The following RYR3 variants were observed in gnomAD, a reference collection of about 807,000 sequenced individuals.
The protein encoded by RYR3 is ryanodine receptor 3.
RYR3 carries 207 observed loss-of-function variants against 584.3 expected under a neutral mutation model. The ratio of observed to expected loss-of-function variants is 0.35; its 90% CI spans 0.32 to 0.40. The LOEUF (loss-of-function observed/expected upper bound fraction) is 0.40. Ranked by LOEUF, RYR3 falls within the 10% of genes least tolerant of loss-of-function variation. RYR3 has a pLI of 1.00. For missense variants in RYR3, 5,616 were observed against 6,089.2 expected (o/e 0.92, Z 2.59); for synonymous variants, 2,416 against 2,248.5 (o/e 1.07, Z -2.11).
intron 1 of RYR3, among the ~76,000 whole-genome samples, chr15:33,335,842 C>A (rs1194852024): frequency 1.3e-5 from 2 of 151,850 alleles, no homozygotes; most frequent in African/African-American, 4.8e-5. Context: ...TAGAACAAAA[C>A]TCTTGCCTTT....
chr15:33,860,599 T>G lies in RYR3; in HGVS notation c.14304T>G (p.Leu4768=). The G allele has an allele frequency of 6.3e-7, 1 of 1,581,934 alleles. No homozygotes were observed. Among genetic ancestry groups the G allele is most frequent in the Non-Finnish European group, 8.6e-7 (1 of 1,161,446 alleles). ...IVILLAIIQG[L]IIDAFGELRD... ...TCTTTGTATTTAACATTCCAGGTCT[T>G]ATTATTGATGCTTTCGGAGAGCTAA... Residue 4768 remains leucine, a synonymous_variant, in exon 101 of 104, where the codon CTT becomes CTG. Coordinates refer to ENST00000634891, the MANE Select transcript of RYR3 (RefSeq NM_001036.6).
chr15:33,669,288 G>T, intron 36 of RYR3, 66 bp from the exon 37 acceptor site: 1 of 1,276,996 alleles, frequency 7.8e-7, no homozygotes, highest in Non-Finnish European at 1.1e-6. Context: ...TCTGTCTAAG[G>T]CAGGATCTGA....
intron 21 of RYR3, 198 bp from the exon 22 acceptor site, chr15:33,629,742 A>G (rs2061175863): frequency 1.0e-5 from 5 of 498,552 alleles, no homozygotes; most frequent in Non-Finnish European, 1.4e-5. Context: ...TCCACGGAGC[A>G]CAAACCACTG....
In RYR3 at chr15:33,395,688, C is replaced by T. The variant is rs1254880120; in HGVS notation, c.52-77731C>T. Among the ~76,000 whole-genome samples the T allele has an allele frequency of 2.0e-5, 3 of 152,306 alleles. No homozygotes were observed. The East Asian group carries it at 5.8e-4, about 29-fold the overall frequency. On this transcript the variant is annotated intron_variant, in intron 1 of 103. Transcript: ENST00000634891. ...ATTCTAGAAATCATATCTGGGTGCTCTGTGCAATGATGAACATGGACGTGG... is the reference window on the plus strand; with the variant it reads ...ATTCTAGAAATCATATCTGGGTGCTTTGTGCAATGATGAACATGGACGTGG...
intron 12 of RYR3, among the ~76,000 whole-genome samples, chr15:33,578,154 C>T (rs606639): frequency 0.65 from 98,733 of 151,980 alleles, 33,063 homozygotes; most frequent in African/African-American, 0.8. Flanking sequence ...TTTAAACTAT[C>T]GGTAGGAATG....
At chr15:33,474,511 T>C (rs1203649145) in intron 2 of RYR3, among the ~76,000 whole-genome samples, 5 of 152,186 alleles carry the variant, frequency 3.3e-5, no homozygotes, top group Admixed American at 2.6e-4. Context: ...ACCAAAGTTA[T>C]CAAGGCTAAT....
In RYR3 at chr15:33,361,154, T is replaced by C. The variant is rs986546736; in HGVS notation, c.51+50058T>C. On this transcript the variant is annotated intron_variant, in intron 1 of 103. Coordinates refer to ENST00000634891, the MANE Select transcript of RYR3 (RefSeq NM_001036.6). ...AGGTCAGCAGCTGGGCTGGGGTAGG[T>C]TTTCTGTTGCAGCTTCCATGTAGAT... is the stretch of plus-strand genomic sequence containing the variant. Among the ~76,000 whole-genome samples the C allele has an allele frequency of 3.3e-5, 5 of 152,206 alleles. No homozygotes were observed. In the East Asian group the frequency reaches 7.7e-4, roughly 24 times the overall value.
At chr15:33,821,219 C>T (rs1339631737) in intron 78 of RYR3, 51 bp from the exon 79 acceptor site, 6 of 1,457,844 alleles carry the variant, frequency 4.1e-6, no homozygotes, top group Admixed American at 3.9e-5. Flanking sequence ...GGGTGAACTC[C>T]CTGGTGCTGG....
chr15:33,632,413 T>C (rs1250392924), intron 23 of RYR3, among the ~76,000 whole-genome samples: 2 of 152,254 alleles, frequency 1.3e-5, no homozygotes, highest in African/African-American at 2.4e-5. Flanking sequence ...CTGTAACTCT[T>C]GGACTGGACA....
intron 10 of RYR3, among the ~76,000 whole-genome samples, chr15:33,561,662 G>GC (rs1668692176): frequency 1.3e-5 from 2 of 151,724 alleles, no homozygotes; most frequent in Admixed American, 6.6e-5. Context: ...GATTGCTTGA[G>GC]CCTGGGAGTT....
chr15:33,576,700 C>G (rs1280866433), intron 12 of RYR3, among the ~76,000 whole-genome samples: 3 of 152,150 alleles, frequency 2.0e-5, no homozygotes, highest in African/African-American at 7.2e-5. Flanking sequence ...CCCTTGAAAA[C>G]CAGCACAAGA....
At chr15:33,747,191 C>G (rs2070813816) in intron 53 of RYR3, among the ~76,000 whole-genome samples, 1 of 152,082 alleles carries the variant, frequency 6.6e-6, no homozygotes. Context: ...GAATGCATCT[C>G]TTGCTTAAAA....
chr15:33,844,815 T>C (rs1488285160), intron 92 of RYR3, 47 bp from the exon 93 acceptor site: 2 of 1,541,564 alleles, frequency 1.3e-6, no homozygotes, highest in African/African-American at 2.7e-5. Context: ...GCCCAATGGC[T>C]GAGGTTCTTT....
intron 3 of RYR3, among the ~76,000 whole-genome samples, chr15:33,525,456 G>A (rs1406837697): frequency 2.0e-5 from 3 of 152,166 alleles, no homozygotes; most frequent in African/African-American, 7.2e-5. Flanking sequence ...CACTAGAATT[G>A]TAATTAAAAC....
intron 43 of RYR3, among the ~76,000 whole-genome samples, chr15:33,714,686 A>G (rs1054322161): frequency 2.6e-5 from 4 of 152,242 alleles, no homozygotes; most frequent in Admixed American, 2.6e-4. Context: ...CTACAAACTT[A>G]GTTTAAGGAA....
chr15:33,761,867 C>T (rs190190468), intron 60 of RYR3, among the ~76,000 whole-genome samples: 4 of 152,244 alleles, frequency 2.6e-5, no homozygotes, highest in Admixed American at 1.3e-4. Context: ...CAATAAAATA[C>T]GGGCAAACCA....
At chr15:33,804,319 C>G (rs529387416) in intron 69 of RYR3, among the ~76,000 whole-genome samples, 67 of 152,286 alleles carry the variant, frequency 4.4e-4, no homozygotes, top group Non-Finnish European at 9.3e-4. Flanking sequence ...TTGCCATGGT[C>G]CTCAGGGTAA....
At chr15:33,397,249 T>C (rs1469968410) in intron 1 of RYR3, among the ~76,000 whole-genome samples, 3 of 152,222 alleles carry the variant, frequency 2.0e-5, no homozygotes, top group Non-Finnish European at 4.4e-5. Flanking sequence ...TAGGACTTTA[T>C]GCTGAACAGG....
rs1301598823 is a variant in RYR3, at chr15:33,543,631, TTGG to T, written c.660_662del (p.Gly221del). On this transcript the variant is annotated inframe_deletion, in exon 8 of 104. Coordinates refer to ENST00000634891, the MANE Select transcript of RYR3 (RefSeq NM_001036.6). Reference sequence around the variant, plus strand: ...TATAATTCTCTTACAGGATACCTACTTGGTGGGCATGTAGTACGTCTTTTCCAT... The same window carrying T: ...TATAATTCTCTTACAGGATACCTACTTGGGCATGTAGTACGTCTTTTCCAT... 6.2e-7 allele frequency: 1 copy of T among 1,602,308 alleles called. No homozygotes were observed. The highest frequency in any genetic ancestry group is 8.6e-7 in the Non-Finnish European group (1 of 1,169,450).
Sources: gnomAD v4.1 joint callset for allele counts (sites outside exome capture counted in the v4.1 genomes callset) on GRCh38, gnomAD v4.1.1 for gene constraint, MANE v1.5 for transcripts, NCBI Gene and HGNC (gene_info 2026-07-23, HGNC 2026-07-21) for gene names.